Variants in TMEM108 observed in about 807,000 individuals in gnomAD.
TMEM108 encodes the protein transmembrane protein 108.
Under a neutral mutation model 35.1 loss-of-function variants are expected in TMEM108, and 12 were observed. That is an observed-to-expected ratio of 0.34 (90% confidence interval 0.22 to 0.55). The LOEUF (loss-of-function observed/expected upper bound fraction) is 0.55. Ranked by LOEUF, TMEM108 falls within the 20% of genes least tolerant of loss-of-function variation. The pLI is 0.89. For synonymous variants in TMEM108, 287 were observed against 308.6 expected (o/e 0.93, Z 0.73); for missense variants, 680 against 753.3 (o/e 0.90, Z 1.14).
intron 3 of TMEM108, among the ~76,000 whole-genome samples, chr3:133,304,944 G>A (rs1947280667): frequency 6.6e-6 from 1 of 152,078 alleles, no homozygotes; most frequent in African/African-American, 2.4e-5. Context: ...TCAACTGGAT[G>A]TGATGGCGCA....
At chr3:133,125,132 G>C (rs1439755666) in intron 2 of TMEM108, 1 of 152,210 alleles carries the variant, frequency 6.6e-6, no homozygotes, top group African/African-American at 2.4e-5. Flanking sequence ...TTAGTGGGAA[G>C]AGATACTTAA....
intron 3 of TMEM108, among the ~76,000 whole-genome samples, chr3:133,378,113 TTAGAAAAAAA>T (rs2072896322): frequency 6.6e-6 from 1 of 152,164 alleles, no homozygotes; most frequent in Non-Finnish European, 1.5e-5. Flanking sequence ...GAATGAAAGT[TTAGAAAAAAA>T]TAGATTGTTT....
At chr3:133,257,866 G>A (rs1258879342) in intron 3 of TMEM108, among the ~76,000 whole-genome samples, 7 of 152,164 alleles carry the variant, frequency 4.6e-5, no homozygotes, top group Admixed American at 3.9e-4. Context: ...ATAACACTGA[G>A]CTATCCCTGT....
chr3:133,099,749 C>G (rs1944063110), intron 2 of TMEM108, among the ~76,000 whole-genome samples: 2 of 152,182 alleles, frequency 1.3e-5, no homozygotes, highest in Admixed American at 6.5e-5. Context: ...GCTCCAGTTC[C>G]CAACAAGTTC....
chr3:133,295,341 A>T (rs1947129468), intron 3 of TMEM108, among the ~76,000 whole-genome samples: 1 of 152,112 alleles, frequency 6.6e-6, no homozygotes, highest in Non-Finnish European at 1.5e-5. Flanking sequence ...GAGAACCTAG[A>T]GCTTTAGCTT....
intron 2 of TMEM108, among the ~76,000 whole-genome samples, chr3:133,069,037 G>A (rs984002256): frequency 6.6e-6 from 1 of 152,150 alleles, no homozygotes; most frequent in East Asian, 1.9e-4. Flanking sequence ...AGGAAGGCTG[G>A]GAAATGAATT....
intron 2 of TMEM108, among the ~76,000 whole-genome samples, chr3:133,164,144 A>T (rs1343068141): frequency 6.6e-6 from 1 of 152,214 alleles, no homozygotes; most frequent in Non-Finnish European, 1.5e-5. Context: ...AACCATCTCT[A>T]TGTGTCTGCC....
intron 3 of TMEM108, among the ~76,000 whole-genome samples, chr3:133,376,010 A>G (rs7641307): frequency 2.1e-3 from 313 of 152,344 alleles, no homozygotes; most frequent in African/African-American, 6.8e-3. Context: ...AGTCCAAAGA[A>G]GAAAGGGCTA....
chr3:133,221,660 CTTTTT>C (rs3078806), intron 2 of TMEM108, among the ~76,000 whole-genome samples: 9 of 60,350 alleles, frequency 1.5e-4, no homozygotes, highest in East Asian at 6.1e-4. Flanking sequence ...ACATTGATTC[CTTTTT>C]TTTTTTTTTT....
intron 2 of TMEM108, among the ~76,000 whole-genome samples, chr3:133,072,251 A>G (rs577976707): frequency 3.9e-5 from 6 of 152,304 alleles, no homozygotes; most frequent in African/African-American, 1.4e-4. Flanking sequence ...AGTGAGGTCA[A>G]TGAGGTAAAA....
At chr3:133,194,856 C>T (rs753128149) in intron 2 of TMEM108, among the ~76,000 whole-genome samples, 1 of 152,138 alleles carries the variant, frequency 6.6e-6, no homozygotes, top group Admixed American at 6.6e-5. Context: ...TCAGATATGG[C>T]ATAATAGTTA....
In TMEM108 at chr3:133,282,946, A is replaced by G. The variant is rs149393119; in HGVS notation, c.40+53595A>G. 1.2e-4 allele frequency among the ~76,000 whole-genome samples: 18 copies of G among 152,348 alleles called. No homozygotes were observed. In the East Asian group the frequency reaches 1.3e-3, roughly 11 times the overall value. On this transcript the variant is annotated intron_variant, in intron 3 of 5. Transcript: ENST00000321871. ...AAAACATATGGATAAATGAAAACCA[A>G]TGCATGGTGTTACTTGTGTGAAGGC...
intron 2 of TMEM108, among the ~76,000 whole-genome samples, chr3:133,177,558 A>G (rs1456890152): frequency 1.3e-5 from 2 of 152,248 alleles, no homozygotes; most frequent in Non-Finnish European, 2.9e-5. Flanking sequence ...AGAACCAACG[A>G]CAAAAACCAC....
At chr3:133,144,497 A>T (rs1328009219) in intron 2 of TMEM108, among the ~76,000 whole-genome samples, 1 of 152,178 alleles carries the variant, frequency 6.6e-6, no homozygotes, top group East Asian at 1.9e-4. Context: ...CAGTAATGGG[A>T]TTACTGGGTC....
intron 2 of TMEM108, among the ~76,000 whole-genome samples, chr3:133,227,189 C>CTTTTTTT (rs35518753): frequency 5.3e-4 from 44 of 83,494 alleles, no homozygotes; most frequent in Non-Finnish European, 7.7e-4. Context: ...GAAGGCCTTT[C>CTTTTTTT]TTTTTTTTTT....
intron 2 of TMEM108, among the ~76,000 whole-genome samples, chr3:133,182,445 A>C (rs986782420): frequency 3.3e-5 from 5 of 152,188 alleles, no homozygotes; most frequent in African/African-American, 1.2e-4. Flanking sequence ...CACTGGGTGC[A>C]CCTAAGCATT....
At chr3:133,260,735 T>C (rs1437666863) in intron 3 of TMEM108, among the ~76,000 whole-genome samples, 2 of 152,122 alleles carry the variant, frequency 1.3e-5, no homozygotes, top group East Asian at 3.8e-4. Flanking sequence ...TTGTGGAGAA[T>C]TGATTGTAGG....
chr3:133,293,536 A>G (rs1947102252), intron 3 of TMEM108, among the ~76,000 whole-genome samples: 1 of 151,846 alleles, frequency 6.6e-6, no homozygotes, highest in Admixed American at 6.6e-5. Flanking sequence ...ACATTCCTGG[A>G]TTCGAGTGGA....
At chr3:133,137,744 GGCTAC>G (rs1384141241) in intron 2 of TMEM108, among the ~76,000 whole-genome samples, 1 of 152,156 alleles carries the variant, frequency 6.6e-6, no homozygotes, top group Non-Finnish European at 1.5e-5. Context: ...ATTGACTAAA[GGCTAC>G]GGATGGGCCA....
Sources: gnomAD v4.1 joint callset for allele counts (sites outside exome capture counted in the v4.1 genomes callset) on GRCh38, gnomAD v4.1.1 for gene constraint, MANE v1.5 for transcripts, NCBI Gene and HGNC (gene_info 2026-07-23, HGNC 2026-07-21) for gene names.